VSTM4: variants seen among roughly 807,000 people sequenced by gnomAD.
VSTM4 encodes V-set and transmembrane domain containing 4.
VSTM4 carries 20 observed loss-of-function variants against 36.4 expected under a neutral mutation model. The ratio of observed to expected loss-of-function variants is 0.55; its 90% confidence interval spans 0.39 to 0.80. The LOEUF (loss-of-function observed/expected upper bound fraction) is 0.80, where lower values mean the gene tolerates loss of function less well. Among genes scored for constraint, VSTM4 ranks in the 30% least tolerant of loss-of-function variants. VSTM4 has a pLI of 0.00. For missense variants in VSTM4, 392 were observed against 404.5 expected (o/e 0.97, Z 0.26); for synonymous variants, 182 against 173.9 (o/e 1.05, Z -0.37).
intron 7 of VSTM4, among the ~76,000 whole-genome samples, chr10:49,032,031 T>C (rs764718641): frequency 2.0e-5 from 3 of 152,026 alleles, no homozygotes; most frequent in Non-Finnish European, 4.4e-5. Context: ...GTCCTCCCCA[T>C]TGAATACAGC....
In VSTM4 at chr10:49,018,826, G is replaced by A. The variant is rs1370283421; in HGVS notation, c.*824C>T. 6.6e-6 allele frequency: 1 copy of A among 152,246 alleles called. No individual in the cohort carries two copies. The highest frequency in any genetic ancestry group is 1.5e-5 in the Non-Finnish European group (1 of 68,042). The allele number at this position is 152,246 out of a possible 1,614,324, so 9.4% of individuals were successfully genotyped here. On this transcript the variant is annotated 3_prime_UTR_variant, in exon 8 of 8. Coordinates refer to ENST00000332853, the MANE Select transcript of VSTM4 (RefSeq NM_001031746.5). ...GACACCTTCAGGGGCTGAATCAGAG[G>A]TGACTGAGCTTGGCACACAGTGAAG...
chr10:49,092,772 G>A (rs1290894221), intron 2 of VSTM4, among the ~76,000 whole-genome samples: 2 of 152,164 alleles, frequency 1.3e-5, no homozygotes, highest in Non-Finnish European at 2.9e-5. Context: ...AGAGACAGAC[G>A]CAGTCAGACA....
chr10:49,099,920 G>A (rs1844637363), intron 2 of VSTM4, among the ~76,000 whole-genome samples: 1 of 152,184 alleles, frequency 6.6e-6, no homozygotes, highest in Non-Finnish European at 1.5e-5. Flanking sequence ...AGAGGCTGAG[G>A]CAGGAGAATC....
intron 7 of VSTM4, among the ~76,000 whole-genome samples, chr10:49,024,156 C>T (rs769078814): frequency 3.0e-4 from 45 of 152,170 alleles, no homozygotes; most frequent in Non-Finnish European, 4.6e-4. Flanking sequence ...CCTGCTGTTA[C>T]TCCTGGTCAG....
At chr10:49,094,311 G>A (rs1354876951) in intron 2 of VSTM4, among the ~76,000 whole-genome samples, 1 of 152,190 alleles carries the variant, frequency 6.6e-6, no homozygotes, top group African/African-American at 2.4e-5. Flanking sequence ...TTTATTTTAT[G>A]GCCTCTGGGA....
chr10:49,066,080 T>C (rs1843968303), intron 4 of VSTM4, among the ~76,000 whole-genome samples: 1 of 152,182 alleles, frequency 6.6e-6, no homozygotes. Flanking sequence ...GGGTACTCTT[T>C]GGCAAAACAG....
At chr10:49,087,235 T>G (rs990365222) in intron 2 of VSTM4, among the ~76,000 whole-genome samples, 2 of 152,224 alleles carry the variant, frequency 1.3e-5, no homozygotes, top group Admixed American at 1.3e-4. Flanking sequence ...TTTGTTTAAT[T>G]CTTTTGTAGA....
At position 49,054,707 on chromosome 10, in the gene VSTM4, C is replaced by T. The variant is rs1052296786; in HGVS notation, c.669-6123G>A. On this transcript the variant is annotated intron_variant, in intron 5 of 7. Coordinates refer to ENST00000332853, the MANE Select transcript of VSTM4 (RefSeq NM_001031746.5). ...TAATTATAACTAAGAAGCATGCACCCAGCCACACTCTGCTTTCAAAACTAA... is the reference window on the plus strand; with the variant it reads ...TAATTATAACTAAGAAGCATGCACCTAGCCACACTCTGCTTTCAAAACTAA... Among the ~76,000 whole-genome samples, 4 of 152,202 alleles carry T rather than the reference C, an allele frequency of 2.6e-5. No homozygotes were observed. The East Asian group carries it at 7.7e-4, about 29-fold the overall frequency.
rs147366387 is a variant in VSTM4, at chr10:49,059,851, G to A, written c.668+4852C>T. Among the ~76,000 whole-genome samples the A allele has an allele frequency of 2.2e-3, 339 of 152,290 alleles. 8 individuals carry two copies. The East Asian group carries it at 0.041, about 18-fold the overall frequency. ...CTATCACCCCCAAAGGTTCCATCTT[G>A]TATTTTTATAGTTAATCCCCACTCC... On this transcript the variant is annotated intron_variant, in intron 5 of 7. Coordinates refer to ENST00000332853, the MANE Select transcript of VSTM4 (RefSeq NM_001031746.5).
intron 4 of VSTM4, among the ~76,000 whole-genome samples, chr10:49,070,665 G>C (rs1279349849): frequency 6.6e-6 from 1 of 152,198 alleles, no homozygotes; most frequent in Non-Finnish European, 1.5e-5. Flanking sequence ...AGAAGAGTCA[G>C]GAGTTCAGAA....
chr10:49,020,278 T>C (rs1252153503), intron 7 of VSTM4, among the ~76,000 whole-genome samples: 1 of 152,204 alleles, frequency 6.6e-6, no homozygotes, highest in South Asian at 2.1e-4. Context: ...CTAAAGCCTA[T>C]GTTTGAAGCA....
intron 7 of VSTM4, among the ~76,000 whole-genome samples, chr10:49,025,116 G>A (rs992365194): frequency 6.6e-6 from 1 of 152,054 alleles, no homozygotes; most frequent in African/African-American, 2.4e-5. Context: ...GGCCTTGGGA[G>A]AAACCAACCC....
intron 7 of VSTM4, among the ~76,000 whole-genome samples, chr10:49,044,868 C>A (rs971342247): frequency 1.3e-5 from 2 of 152,142 alleles, no homozygotes; most frequent in Non-Finnish European, 2.9e-5. Flanking sequence ...CTCCTGTTAA[C>A]TTTTGTGTGT....
chr10:49,079,334 G>T (rs773767286), intron 3 of VSTM4, among the ~76,000 whole-genome samples: 1 of 152,098 alleles, frequency 6.6e-6, no homozygotes, highest in African/African-American at 2.4e-5. Context: ...CTCCTGAGTA[G>T]CTAAAATTAC....
intron 7 of VSTM4, among the ~76,000 whole-genome samples, chr10:49,045,932 G>A (rs1212983506): frequency 1.3e-5 from 2 of 152,188 alleles, no homozygotes; most frequent in Non-Finnish European, 2.9e-5. Flanking sequence ...AGGGAGGGAA[G>A]TGATTGGGTT....
chr10:49,050,536 T>G (rs1843681288), intron 5 of VSTM4, among the ~76,000 whole-genome samples: 1 of 152,248 alleles, frequency 6.6e-6, no homozygotes, highest in Non-Finnish European at 1.5e-5. Flanking sequence ...GCCTTATTTT[T>G]ATTGGGAACG....
At chr10:49,046,936 T>G in intron 7 of VSTM4, 47 bp downstream of exon 7, 1 of 1,571,056 alleles carries the variant, frequency 6.4e-7, no homozygotes, top group Non-Finnish European at 8.8e-7. Context: ...ATCTGAGTTG[T>G]GTCTGAGGCT....
intron 5 of VSTM4, 68 bp from the exon 6 acceptor site, chr10:49,048,652 A>T: frequency 7.4e-7 from 1 of 1,349,552 alleles, no homozygotes. Flanking sequence ...GAAAAAAAAA[A>T]ACCCACAATA....
intron 4 of VSTM4, among the ~76,000 whole-genome samples, chr10:49,066,734 A>G (rs548048205): frequency 1.3e-5 from 2 of 152,142 alleles, no homozygotes; most frequent in Non-Finnish European, 2.9e-5. Flanking sequence ...TGTCATCTTG[A>G]TTAATCTTAT....
Sources: gnomAD v4.1 joint callset for allele counts (sites outside exome capture counted in the v4.1 genomes callset) on GRCh38, gnomAD v4.1.1 for gene constraint, MANE v1.5 for transcripts, NCBI Gene and HGNC (gene_info 2026-07-23, HGNC 2026-07-21) for gene names.